EHMT1: variants seen among roughly 807,000 people sequenced by gnomAD.
EHMT1 encodes the protein euchromatic histone lysine methyltransferase 1.
A neutral mutation model predicts 147.2 loss-of-function variants in EHMT1; 15 were observed. That is an observed-to-expected ratio of 0.10 (90% CI 0.07 to 0.16). EHMT1 has a LOEUF of 0.16. EHMT1 is among the 10% of genes least tolerant of loss of function. The pLI, the probability that EHMT1 is intolerant of heterozygous loss-of-function variation, is 1.00. For missense variants in EHMT1, 1,587 were observed against 1,772.4 expected, an observed-to-expected ratio of 0.90 and a Z score of 1.88; for synonymous variants, 795 against 709.6, an observed-to-expected ratio of 1.12 and a Z score of -1.91.
At position 137,669,342 on chromosome 9, in the gene EHMT1, C is replaced by A. The variant is rs74720783; in HGVS notation, c.22-41625C>A. 2.1e-3 allele frequency among the ~76,000 whole-genome samples: 7 copies of A among 3,410 alleles called. 1 individual carries two copies. The highest frequency in any genetic ancestry group is 3.8e-3 in the African/African-American group (2 of 530). 2.2% of individuals were successfully genotyped at this position (3,410 alleles called of 152,430 possible). On this transcript the variant is annotated intron_variant, in intron 1 of 26. Coordinates refer to ENST00000460843, the MANE Select transcript of EHMT1 (RefSeq NM_024757.5). ...AGACGCCCCCACAGCACGTGGACCC[C>A]ACACCACCCAAGACGCTCCCACAGC...
chr9:137,619,048 A>G lies in EHMT1; in HGVS notation c.20A>G (p.Glu7Gly). ...CGGGCCATGGCCGCCGCCGATGCCG[A>G]GGTGAGCAGCGGGGCCGGCGGGGGG... MAAADA[E>G]AVPARGEPQQ... The change falls in exon 1 of 27, where the codon GAG becomes GGG. Residue 7 changes from glutamate (E) to glycine (G), a missense_variant and splice_region_variant. By Grantham distance (98) the Glu-to-Gly change is moderately conservative. This residue lies in a region of EHMT1 where 810 missense variants were observed against 673.0 expected (regional missense o/e 1.20). Coordinates refer to ENST00000460843, the MANE Select transcript of EHMT1 (RefSeq NM_024757.5). 1.1e-6 allele frequency: 1 copy of G among 944,264 alleles called. No homozygotes were observed. Among genetic ancestry groups the G allele is most frequent in the Non-Finnish European group, 1.3e-6 (1 of 795,696 alleles). The allele number at this position is 944,264 out of a possible 1,614,324, so 58.5% of individuals were successfully genotyped here.
rs751536740 is a variant in EHMT1, at chr9:137,743,557, C to T, written c.981+29C>T. 1.1e-5 allele frequency: 18 copies of T among 1,613,844 alleles called. No homozygotes were observed. In the South Asian group the frequency reaches 1.3e-4, roughly 12 times the overall value. ...AGAGACGCATTTGAGTGAGTTGCCA[C>T]GTGTGCGTGGAAATGCGTTTCTGTG... On this transcript the variant is annotated intron_variant, in intron 5 of 26. Transcript: ENST00000460843.
intron 1 of EHMT1, among the ~76,000 whole-genome samples, chr9:137,650,415 A>G (rs916362592): frequency 3.9e-5 from 6 of 152,076 alleles, no homozygotes; most frequent in Admixed American, 6.6e-5. Context: ...GCTGTTGTTC[A>G]TTTTTAAAAT....
chr9:137,767,735 C>T (rs139189957), intron 10 of EHMT1, among the ~76,000 whole-genome samples: 5,654 of 152,152 alleles, frequency 0.037, 153 homozygotes, highest in African/African-American at 0.072. Flanking sequence ...ATCTCTTGAA[C>T]CCGGGAGGTG....
rs71387854 is a variant in EHMT1, at chr9:137,638,742, T to TAAA, written c.21+19701_21+19703dup. Among the ~76,000 whole-genome samples the TAAA allele has an allele frequency of 1.4e-4, 21 of 147,948 alleles. No individual in the cohort carries two copies. The East Asian group carries it at 3.7e-3, about 26-fold the overall frequency. Reference sequence around the variant, plus strand: ...ATCCAGTATGACTTACGTGTCCTCATAAAAAAAAAAGGATGCCTTGTGAAC... The same window carrying TAAA: ...ATCCAGTATGACTTACGTGTCCTCATAAAAAAAAAAAAAGGATGCCTTGTGAAC... On this transcript the variant is annotated intron_variant, in intron 1 of 26. Transcript: ENST00000460843.
chr9:137,776,274 G>A lies in EHMT1; in HGVS notation c.1792-344G>A, dbSNP rs866773458. 1.2e-4 allele frequency among the ~76,000 whole-genome samples: 18 copies of A among 152,286 alleles called. No individual in the cohort carries two copies. Among genetic ancestry groups the A allele is most frequent in the Middle Eastern group, 3.4e-3 (1 of 294 alleles). On this transcript the variant is annotated intron_variant, in intron 11 of 26. Coordinates refer to ENST00000460843, the MANE Select transcript of EHMT1 (RefSeq NM_024757.5). This position sits in a 1 kb window ranked among gnomAD's most constrained non-coding sequence, Gnocchi z 4.4. Reference sequence around the variant, plus strand: ...TGATGCTGTGCCCTGAGGTGCTGTCGTCTGTCCCTGTCCCTATCCGCCCTT... The same window carrying A: ...TGATGCTGTGCCCTGAGGTGCTGTCATCTGTCCCTGTCCCTATCCGCCCTT...
At chr9:137,642,747 T>C (rs1440789653) in intron 1 of EHMT1, among the ~76,000 whole-genome samples, 1 of 152,260 alleles carries the variant, frequency 6.6e-6, no homozygotes, top group African/African-American at 2.4e-5. Flanking sequence ...TTATAGTTGC[T>C]GCTTTACGCA....
At chr9:137,803,094 G>T in intron 18 of EHMT1, 1 of 1,229,672 alleles carries the variant, frequency 8.1e-7, no homozygotes, top group African/African-American at 1.5e-5. Context: ...GCATGCCTGG[G>T]CAGTTTGCAG....
At chr9:137,803,243 G>A (rs1221379916) in intron 18 of EHMT1, 1 of 1,089,514 alleles carries the variant, frequency 9.2e-7, no homozygotes, top group East Asian at 5.4e-5. Flanking sequence ...CTGTATAATA[G>A]GTAGGCTGCA....
intron 6 of EHMT1, 97 bp downstream of exon 6, chr9:137,744,187 A>G: frequency 1.5e-6 from 2 of 1,298,668 alleles, no homozygotes; most frequent in South Asian, 2.5e-5. Flanking sequence ...CTAGACCCTG[A>G]TAAAATCCCC....
intron 1 of EHMT1, among the ~76,000 whole-genome samples, chr9:137,626,529 C>CA (rs201748680): frequency 0.019 from 1,547 of 80,640 alleles, 24 homozygotes; most frequent in African/African-American, 0.059. Context: ...TGTCTCTAAC[C>CA]AAAAAAAAAA....
intron 6 of EHMT1, among the ~76,000 whole-genome samples, chr9:137,748,546 A>T (rs1311686102): frequency 6.6e-6 from 1 of 152,188 alleles, no homozygotes; most frequent in Non-Finnish European, 1.5e-5. Context: ...GGACTCTGCC[A>T]TGCGGCTCCC....
chr9:137,698,807 T>C (rs1943602525), intron 1 of EHMT1, among the ~76,000 whole-genome samples: 1 of 152,178 alleles, frequency 6.6e-6, no homozygotes, highest in Non-Finnish European at 1.5e-5. Flanking sequence ...TTTATGGGCT[T>C]GTCTTTGAAT....
At chr9:137,770,936 A>C (rs1950547726) in intron 10 of EHMT1, among the ~76,000 whole-genome samples, 1 of 151,452 alleles carries the variant, frequency 6.6e-6, no homozygotes, top group South Asian at 2.1e-4. Context: ...CTCCCTATTC[A>C]TTTTTTTGTT....
At chr9:137,823,185 G>A (rs538497849) in intron 25 of EHMT1, among the ~76,000 whole-genome samples, 4 of 147,076 alleles carry the variant, frequency 2.7e-5, no homozygotes, top group Non-Finnish European at 4.4e-5. Flanking sequence ...TGCAAGCTCC[G>A]TCTCCTGGGT....
At chr9:137,718,333 G>C (rs1231553024) in intron 3 of EHMT1, among the ~76,000 whole-genome samples, 1 of 152,262 alleles carries the variant, frequency 6.6e-6, no homozygotes, top group Non-Finnish European at 1.5e-5. Flanking sequence ...TGCTCTCTCA[G>C]TTTGATGTGA....
chr9:137,811,063 A>G (rs1954439723), intron 18 of EHMT1, among the ~76,000 whole-genome samples: 1 of 152,066 alleles, frequency 6.6e-6, no homozygotes, highest in Non-Finnish European at 1.5e-5. Context: ...GCATTATCCT[A>G]TCCTATGACT....
intron 3 of EHMT1, among the ~76,000 whole-genome samples, chr9:137,725,552 G>T (rs1318552728): frequency 6.6e-6 from 1 of 152,190 alleles, no homozygotes; most frequent in Non-Finnish European, 1.5e-5. Context: ...ACTCCAGGGA[G>T]CTGTGGCCAC....
At chr9:137,637,759 G>A (rs935830928) in intron 1 of EHMT1, 6 of 152,186 alleles carry the variant, frequency 3.9e-5, no homozygotes, top group East Asian at 1.9e-4. Flanking sequence ...TGGTTATCAC[G>A]CCTTTAAATG....
Sources: allele counts gnomAD v4.1 joint callset (sites outside exome capture counted in the v4.1 genomes callset), GRCh38; gene constraint gnomAD v4.1.1; regional missense constraint gnomAD v4.1.1; non-coding constraint Gnocchi (gnomAD v3.1); transcripts MANE v1.5; gene names NCBI Gene and HGNC (gene_info 2026-07-23, HGNC 2026-07-21).